The following PDXK variants were observed in gnomAD, a reference collection of about 807,000 sequenced individuals.
PDXK encodes pyridoxal kinase, also known as epididymis secretory sperm binding protein Li 1a.
Under a neutral mutation model 43.2 loss-of-function variants are expected in PDXK, and 15 were observed. The ratio of observed to expected loss-of-function variants is 0.35; its 90% CI spans 0.23 to 0.53. The LOEUF (loss-of-function observed/expected upper bound fraction) is 0.53, where lower values mean the gene tolerates loss of function less well. Among genes scored for constraint, PDXK ranks in the 20% least tolerant of loss-of-function variants. The pLI, the probability that PDXK is intolerant of heterozygous loss-of-function variation, is 0.92. For missense variants in PDXK, 343 were observed against 417.0 expected (o/e 0.82, Z 1.54); for synonymous variants, 172 against 165.4 (o/e 1.04, Z -0.31).
chr21:43,738,092 C>G, intron 2 of PDXK: 3 of 971,712 alleles, frequency 3.1e-6, no homozygotes, highest in Non-Finnish European at 2.4e-6. Context: ...CCCCCAAATT[C>G]TCATGTTGCA....
rs1413018447 is a variant in PDXK, at chr21:43,761,038, TA to T, written c.*4980del. On this transcript the variant is annotated 3_prime_UTR_variant, in exon 11 of 11. Coordinates refer to ENST00000291565, the MANE Select transcript of PDXK (RefSeq NM_003681.5). ...AAGTTTAGATGACTGGTCAATATCTTAAAAATGTATATTAGTAAGAAGTTCT... is the reference window on the plus strand; with the variant it reads ...AAGTTTAGATGACTGGTCAATATCTTAAAATGTATATTAGTAAGAAGTTCT... The T allele has an allele frequency of 6.6e-6, 1 of 152,222 alleles. No homozygotes were observed. Among genetic ancestry groups the T allele is most frequent in the Non-Finnish European group, 1.5e-5 (1 of 68,038 alleles). The allele number at this position is 152,222 out of a possible 1,614,324, so 9.4% of individuals were successfully genotyped here.
chr21:43,756,393 G>A lies in PDXK; in HGVS notation c.*330G>A. On this transcript the variant is annotated 3_prime_UTR_variant, in exon 11 of 11. Transcript: ENST00000291565. ...TGAGGCCGAGCCTGCTGCGTGTGGA[G>A]CCTCGAGTGGGCCCTGGCTGCCACT... is the stretch of plus-strand genomic sequence containing the variant. 1.1e-5 allele frequency: 3 copies of A among 265,274 alleles called. No homozygotes were observed. In the South Asian group the frequency reaches 1.2e-4, roughly 10 times the overall value. 16.4% of individuals were successfully genotyped at this position (265,274 alleles called of 1,614,324 possible).
Position 43,748,986 on chromosome 21 carries a change from G to T in PDXK, c.379-9G>T, listed in dbSNP as rs1474839146. The T allele has an allele frequency of 6.3e-7, 1 of 1,585,610 alleles. No individual in the cohort carries two copies. Among genetic ancestry groups the T allele is most frequent in the African/African-American group, 1.3e-5 (1 of 74,244 alleles). On this transcript the variant is annotated splice_polypyrimidine_tract_variant and intron_variant, in intron 5 of 10. Coordinates refer to ENST00000291565, the MANE Select transcript of PDXK (RefSeq NM_003681.5). ...CTCAGCCTCTCCTCCTGTCTCCTTT[G>T]TTGGCCAGTACGTCCCGGAGGACCT...
At chr21:43,751,379 T>C (rs2083748408) in intron 7 of PDXK, among the ~76,000 whole-genome samples, 3 of 152,056 alleles carry the variant, frequency 2.0e-5, no homozygotes, top group African/African-American at 7.2e-5. Flanking sequence ...TAAAACCCCA[T>C]CTCTACTAAA....
Position 43,732,502 on chromosome 21 carries a change from C to G in PDXK, c.88-1567C>G. 6.9e-7 allele frequency: 1 copy of G among 1,441,338 alleles called. No individual in the cohort carries two copies. The highest frequency in any genetic ancestry group is 9.8e-7 in the Non-Finnish European group (1 of 1,023,266). 89.3% of individuals were successfully genotyped at this position (1,441,338 alleles called of 1,614,324 possible). On this transcript the variant is annotated intron_variant, in intron 1 of 10. Coordinates refer to ENST00000291565, the MANE Select transcript of PDXK (RefSeq NM_003681.5). The surrounding 1 kb of genome is among the most constrained non-coding windows in gnomAD (Gnocchi z 4.1). ...GCTTGCTCGTGCTCTCATTTAAAAG[C>G]AGAAAATAGCGACTTCATTCTCGGA...
chr21:43,719,215 C>CCCGAGCCGAG lies in PDXK; in HGVS notation c.-76_-67dup, dbSNP rs1474962678. 1 of 784,654 alleles carries CCCGAGCCGAG rather than the reference C, an allele frequency of 1.3e-6. No homozygotes were observed. The highest frequency in any genetic ancestry group is 4.4e-5 in the South Asian group (1 of 22,674). 48.6% of individuals were successfully genotyped at this position (784,654 alleles called of 1,614,324 possible). ...AGGGGAGCCGGGGCCGGAGCCCGAG[C>CCCGAGCCGAG]CCGAGCCGAGCCGGAGCCCGAGCGA... is the stretch of plus-strand genomic sequence containing the variant. On this transcript the variant is annotated 5_prime_UTR_variant, in exon 1 of 11. Coordinates refer to ENST00000291565, the MANE Select transcript of PDXK (RefSeq NM_003681.5).
chr21:43,738,658 A>T (rs1192014804), intron 2 of PDXK: 3 of 152,404 alleles, frequency 2.0e-5, no homozygotes, highest in African/African-American at 7.2e-5. Context: ...GTGGACAGAC[A>T]CACGAGCTCC....
Position 43,752,508 on chromosome 21 carries a change from C to T in PDXK, c.511-10C>T. ...CCGGCCGTGGCTGACGCTCCCTGTG[C>T]CACTGCTAGGTGATGGACATGCTGC... On this transcript the variant is annotated splice_polypyrimidine_tract_variant and intron_variant, in intron 7 of 10. Transcript: ENST00000291565. 2.5e-6 allele frequency: 4 copies of T among 1,590,364 alleles called. No homozygotes were observed. In the East Asian group the frequency reaches 6.7e-5, roughly 27 times the overall value.
chr21:43,740,185 C>T (rs1366972644), intron 2 of PDXK, among the ~76,000 whole-genome samples: 2 of 152,082 alleles, frequency 1.3e-5, no homozygotes. Context: ...AGTCTCAGGA[C>T]CTTTGCGCCA....
At chr21:43,726,610 G>C (rs1414643021) in intron 1 of PDXK, among the ~76,000 whole-genome samples, 1 of 152,104 alleles carries the variant, frequency 6.6e-6, no homozygotes, top group African/African-American at 2.4e-5. Flanking sequence ...GTTTCACCAT[G>C]TTGGCCAGGC....
chr21:43,724,689 AAAAAAAGC>A (rs2083236696), intron 1 of PDXK, among the ~76,000 whole-genome samples: 1 of 151,836 alleles, frequency 6.6e-6, no homozygotes, highest in South Asian at 2.1e-4. Context: ...AAGAAAAAAA[AAAAAAAGC>A]TGGCTATGTG....
chr21:43,746,042 T>C (rs1241897604), intron 4 of PDXK, 37 bp from the exon 5 acceptor site: 1 of 1,541,018 alleles, frequency 6.5e-7, no homozygotes, highest in Non-Finnish European at 9.0e-7. Flanking sequence ...TCGTCAGCTG[T>C]AGCCTTTGCT....
In PDXK at chr21:43,751,148, G is replaced by A. The variant is rs186307599; in HGVS notation, c.510+603G>A. 4.6e-5 allele frequency among the ~76,000 whole-genome samples: 7 copies of A among 152,280 alleles called. No individual in the cohort carries two copies. The East Asian group carries it at 1.4e-3, about 29-fold the overall frequency. On this transcript the variant is annotated intron_variant, in intron 7 of 10. Coordinates refer to ENST00000291565, the MANE Select transcript of PDXK (RefSeq NM_003681.5). ...AGTTTCTTCAAAGTCCTTTTTCTCC[G>A]GGACTTGGAGACCGTGCGTGTCTTG...
intron 6 of PDXK, among the ~76,000 whole-genome samples, chr21:43,750,294 C>T (rs1310096269): frequency 1.3e-5 from 2 of 152,258 alleles, no homozygotes; most frequent in Admixed American, 6.5e-5. Flanking sequence ...TTGGGCCTTA[C>T]GTGACTCCTG....
At position 43,734,805 on chromosome 21, in the gene PDXK, A is replaced by G. The variant is rs2083377346; in HGVS notation, c.142+682A>G. Among the ~76,000 whole-genome samples the G allele has an allele frequency of 6.6e-6, 1 of 151,944 alleles. No individual in the cohort carries two copies. Among genetic ancestry groups the G allele is most frequent in the Non-Finnish European group, 1.5e-5 (1 of 67,984 alleles). On this transcript the variant is annotated intron_variant, in intron 2 of 10. Coordinates refer to ENST00000291565, the MANE Select transcript of PDXK (RefSeq NM_003681.5). This position sits in a 1 kb window ranked among gnomAD's most constrained non-coding sequence, Gnocchi z 5.0. ...GTCCCCCCTCCTCTCTGTGGTTTCT[A>G]TACTGCTTCGTCGGCAGGAGAACAA...
intron 1 of PDXK, chr21:43,728,640 C>G (rs2083278489): frequency 1.2e-6 from 1 of 852,306 alleles, no homozygotes; most frequent in Non-Finnish European, 1.4e-6. Context: ...GGGATGCTGC[C>G]GATAAGGCGC....
chr21:43,725,151 G>A (rs867414592), intron 1 of PDXK, among the ~76,000 whole-genome samples: 16 of 152,022 alleles, frequency 1.1e-4, no homozygotes, highest in Middle Eastern at 3.4e-3. Flanking sequence ...GTAAAACCCC[G>A]TCTCTACTAA....
At chr21:43,736,886 A>T in intron 2 of PDXK, 1 of 698,016 alleles carries the variant, frequency 1.4e-6, no homozygotes, top group Admixed American at 2.0e-5. Context: ...CTGCCCCCTC[A>T]GCCTCCCAAA....
chr21:43,721,399 T>C (rs1188237018), intron 1 of PDXK, among the ~76,000 whole-genome samples: 2 of 152,272 alleles, frequency 1.3e-5, no homozygotes, highest in Admixed American at 1.3e-4. Context: ...AAAGAAAACT[T>C]AGAAACTGGC....
Sources: allele counts gnomAD v4.1 joint callset (sites outside exome capture counted in the v4.1 genomes callset), GRCh38; gene constraint gnomAD v4.1.1; non-coding constraint Gnocchi (gnomAD v3.1); transcripts MANE v1.5; gene names NCBI Gene and HGNC (gene_info 2026-07-23, HGNC 2026-07-21).